MACROD2: variants seen among roughly 807,000 people sequenced by gnomAD.
MACROD2 encodes mono-ADP ribosylhydrolase 2.
Under a neutral mutation model 70.4 loss-of-function variants are expected in MACROD2, and 36 were observed. The observed-to-expected ratio is 0.51, with a 90% CI of 0.39 to 0.68. The LOEUF is 0.68. MACROD2 is among the 30% of genes least tolerant of loss of function. The pLI is 0.00. For missense variants in MACROD2, 496 were observed against 538.4 expected (o/e 0.92, Z 0.78); for synonymous variants, 172 against 178.8 (o/e 0.96, Z 0.30).
intron 5 of MACROD2, among the ~76,000 whole-genome samples, chr20:14,767,843 A>G (rs1386606525): frequency 2.6e-5 from 4 of 151,222 alleles, no homozygotes; most frequent in Non-Finnish European, 5.9e-5. Context: ...CCCTGTGTCC[A>G]TGTGTTCTAT....
chr20:14,162,146 C>G (rs925809061), intron 3 of MACROD2, among the ~76,000 whole-genome samples: 8 of 152,028 alleles, frequency 5.3e-5, no homozygotes, highest in African/African-American at 1.9e-4. Context: ...TTCAGTAGCA[C>G]GTTGTTTAAT....
chr20:15,477,559 G>A (rs2047039460), intron 7 of MACROD2, among the ~76,000 whole-genome samples: 1 of 152,052 alleles, frequency 6.6e-6, no homozygotes, highest in Non-Finnish European at 1.5e-5. Context: ...CTCTCAGTTG[G>A]ACAGGGAGAA....
chr20:14,532,794 A>G (rs1248860267), intron 4 of MACROD2, among the ~76,000 whole-genome samples: 2 of 152,160 alleles, frequency 1.3e-5, no homozygotes, highest in East Asian at 3.9e-4. Flanking sequence ...TGCTGAATTA[A>G]TGATGTGAAC....
intron 5 of MACROD2, among the ~76,000 whole-genome samples, chr20:14,789,460 A>ATTTT (rs3045609): frequency 0.013 from 640 of 48,250 alleles, 138 homozygotes; most frequent in African/African-American, 0.034. Flanking sequence ...GGTAGTGCAA[A>ATTTT]TTTTTTTTTT....
At chr20:15,324,433 C>T (rs1239474089) in intron 6 of MACROD2, among the ~76,000 whole-genome samples, 1 of 152,136 alleles carries the variant, frequency 6.6e-6, no homozygotes, top group Non-Finnish European at 1.5e-5. Context: ...TCCTAATGCT[C>T]TTCTTGTTTA....
chr20:14,912,355 A>G (rs1041628475), intron 5 of MACROD2, among the ~76,000 whole-genome samples: 1 of 152,216 alleles, frequency 6.6e-6, no homozygotes, highest in Non-Finnish European at 1.5e-5. Context: ...AATTCATTAT[A>G]TCTAAATATT....
chr20:14,149,906 A>C (rs1373494511), intron 3 of MACROD2, among the ~76,000 whole-genome samples: 1 of 152,038 alleles, frequency 6.6e-6, no homozygotes. Flanking sequence ...TTTTTCCCAG[A>C]CAAATCCTAA....
chr20:14,230,655 A>ATATATAT (rs1569217393), intron 3 of MACROD2, among the ~76,000 whole-genome samples: 2 of 38,042 alleles, frequency 5.3e-5, no homozygotes, highest in African/African-American at 3.1e-4. Flanking sequence ...ATATATATAT[A>ATATATAT]ACACAGGCTG....
intron 4 of MACROD2, among the ~76,000 whole-genome samples, chr20:14,613,785 A>G (rs1271560693): frequency 6.6e-6 from 1 of 152,132 alleles, no homozygotes; most frequent in Non-Finnish European, 1.5e-5. Context: ...CATTTGTATT[A>G]TAGAACAATT....
intron 12 of MACROD2, among the ~76,000 whole-genome samples, chr20:15,965,240 T>A (rs2066122962): frequency 6.6e-6 from 1 of 152,182 alleles, no homozygotes; most frequent in South Asian, 2.1e-4. Context: ...GCATTAATAA[T>A]GTTAAAGCAA....
chr20:15,714,486 G>A (rs1268242136), intron 8 of MACROD2, among the ~76,000 whole-genome samples: 2 of 152,150 alleles, frequency 1.3e-5, no homozygotes, highest in East Asian at 3.8e-4. Flanking sequence ...CCAAGCAGAG[G>A]CTCTTTCCTG....
At chr20:15,865,938 T>C (rs1268812790) in intron 9 of MACROD2, among the ~76,000 whole-genome samples, 1 of 152,184 alleles carries the variant, frequency 6.6e-6, no homozygotes, top group Non-Finnish European at 1.5e-5. Flanking sequence ...CTTACTTCGA[T>C]GATTCTGACA....
intron 2 of MACROD2, among the ~76,000 whole-genome samples, chr20:14,037,199 C>T (rs921827002): frequency 6.6e-6 from 1 of 152,014 alleles, no homozygotes; most frequent in Non-Finnish European, 1.5e-5. Context: ...CACACTCTTC[C>T]AAAATATGGA....
intron 5 of MACROD2, among the ~76,000 whole-genome samples, chr20:14,720,099 ACCCT>A (rs1017753986): frequency 1.3e-5 from 2 of 152,144 alleles, no homozygotes; most frequent in African/African-American, 4.8e-5. Flanking sequence ...AAGAAAAACA[ACCCT>A]CCTTTTATTG....
chr20:15,276,724 A>T (rs553932357), intron 6 of MACROD2, among the ~76,000 whole-genome samples: 1 of 152,370 alleles, frequency 6.6e-6, no homozygotes, highest in African/African-American at 2.4e-5. Flanking sequence ...ATTTCAAAAT[A>T]GTTCACAGAA....
At chr20:15,263,143 T>C (rs967753845) in intron 6 of MACROD2, among the ~76,000 whole-genome samples, 9 of 152,010 alleles carry the variant, frequency 5.9e-5, no homozygotes, top group Admixed American at 2.6e-4. Flanking sequence ...AGTATCCCCA[T>C]TGTTTTCTTT....
chr20:15,368,586 G>A lies in MACROD2; in HGVS notation c.541-62819G>A, dbSNP rs529158158. Among the ~76,000 whole-genome samples, 486 of 151,288 alleles carry A rather than the reference G, an allele frequency of 3.2e-3. 2 individuals are homozygous for A. Among genetic ancestry groups the A allele is most frequent in the Non-Finnish European group, 2.8e-3 (191 of 67,856 alleles). ...ACAAGATTATCCTGCCTTAGCCTCC[G>A]GAGTAGCTGGGATTACAGGAGCGCA... On this transcript the variant is annotated intron_variant, in intron 6 of 17. Transcript: ENST00000684519.
chr20:14,291,193 A>C (rs1482468656), intron 3 of MACROD2, among the ~76,000 whole-genome samples: 3 of 152,214 alleles, frequency 2.0e-5, no homozygotes, highest in African/African-American at 7.2e-5. Flanking sequence ...ATAAGACTAG[A>C]GTCAAAAAGG....
chr20:15,590,949 GAAAGAAAGAA>G (rs893375168), intron 8 of MACROD2, among the ~76,000 whole-genome samples: 4 of 131,760 alleles, frequency 3.0e-5, no homozygotes, highest in Non-Finnish European at 5.2e-5. Flanking sequence ...GAGAGAGAAA[GAAAGAAAGAA>G]AAAGAAAGAA....
Sources: gnomAD v4.1 joint callset for allele counts (sites outside exome capture counted in the v4.1 genomes callset) on GRCh38, gnomAD v4.1.1 for gene constraint, MANE v1.5 for transcripts, NCBI Gene and HGNC (gene_info 2026-07-23, HGNC 2026-07-21) for gene names.